The following ARHGEF26 variants were observed in gnomAD, a reference collection of about 807,000 sequenced individuals.
ARHGEF26 encodes Rho guanine nucleotide exchange factor 26.
ARHGEF26 carries 59 observed loss-of-function variants against 89.4 expected under a neutral mutation model. The observed-to-expected ratio is 0.66, with a 90% CI of 0.54 to 0.82. The LOEUF (loss-of-function observed/expected upper bound fraction) is 0.82. Ranked by LOEUF, ARHGEF26 falls within the 40% of genes least tolerant of loss-of-function variation. The pLI is 0.00. For synonymous variants in ARHGEF26, 500 were observed against 428.4 expected (o/e 1.17, Z -2.06); for missense variants, 1,234 against 1,085.6 (o/e 1.14, Z -1.92).
intron 4 of ARHGEF26, among the ~76,000 whole-genome samples, chr3:154,139,193 C>T (rs1255313077): frequency 6.6e-6 from 1 of 152,028 alleles, no homozygotes; most frequent in East Asian, 1.9e-4. Context: ...GGGATAAGGC[C>T]AGTGCAGCTG....
intron 4 of ARHGEF26, among the ~76,000 whole-genome samples, chr3:154,140,969 A>T (rs1253801863): frequency 5.6e-4 from 82 of 145,980 alleles, no homozygotes; most frequent in African/African-American, 1.9e-3. Flanking sequence ...CTTCCATCCT[A>T]TTTTTTTTTT....
chr3:154,200,139 C>G (rs1205045619), intron 9 of ARHGEF26, among the ~76,000 whole-genome samples: 2 of 152,082 alleles, frequency 1.3e-5, no homozygotes, highest in African/African-American at 4.8e-5. Context: ...TTGCCCAGAC[C>G]AATGTGCTGG....
At chr3:154,149,498 T>G in intron 5 of ARHGEF26, 53 bp downstream of exon 5, 6 of 1,489,220 alleles carry the variant, frequency 4.0e-6, no homozygotes, top group Non-Finnish European at 5.5e-6. Flanking sequence ...CATGTCGGTG[T>G]CTGCTTTTTT....
chr3:154,166,309 C>T (rs1712033407), intron 6 of ARHGEF26, among the ~76,000 whole-genome samples: 1 of 152,144 alleles, frequency 6.6e-6, no homozygotes, highest in African/African-American at 2.4e-5. Flanking sequence ...CTTGGCCTCC[C>T]AAAATGCTGG....
chr3:154,174,216 A>G (rs973985756), intron 6 of ARHGEF26, among the ~76,000 whole-genome samples: 7 of 152,214 alleles, frequency 4.6e-5, no homozygotes, highest in Non-Finnish European at 7.3e-5. Context: ...CATTCCAGCC[A>G]TGGTGGAATG....
intron 9 of ARHGEF26, among the ~76,000 whole-genome samples, chr3:154,202,596 A>G (rs1714718830): frequency 6.6e-6 from 1 of 152,090 alleles, no homozygotes; most frequent in South Asian, 2.1e-4. Context: ...CTTGGGCAGT[A>G]TGGCCATTTT....
intron 5 of ARHGEF26, 102 bp downstream of exon 5, chr3:154,149,547 C>T (rs558965156): frequency 5.3e-6 from 5 of 945,732 alleles, no homozygotes; most frequent in South Asian, 5.2e-5. Flanking sequence ...TAGTGTTGCC[C>T]TTTGAAAATG....
intron 12 of ARHGEF26, among the ~76,000 whole-genome samples, chr3:154,245,994 A>G (rs867169960): frequency 1.3e-5 from 2 of 152,194 alleles, no homozygotes; most frequent in Admixed American, 6.5e-5. Flanking sequence ...ATGGTCTGCA[A>G]TGAGCTAGGA....
chr3:154,127,286 C>T (rs1718388964), intron 3 of ARHGEF26, among the ~76,000 whole-genome samples: 1 of 152,170 alleles, frequency 6.6e-6, no homozygotes, highest in African/African-American at 2.4e-5. Context: ...GGTTTTAATA[C>T]AGCTTAAAAC....
At chr3:154,168,986 G>GA (rs145410066) in intron 6 of ARHGEF26, among the ~76,000 whole-genome samples, 4,205 of 146,594 alleles carry the variant, frequency 0.029, 187 homozygotes, top group African/African-American at 0.097. Flanking sequence ...AGACTGTAGT[G>GA]AAAAAAAAAA....
At chr3:154,239,293 AGAGAGAGT>A (rs1301397045) in intron 11 of ARHGEF26, among the ~76,000 whole-genome samples, 21 of 59,034 alleles carry the variant, frequency 3.6e-4, no homozygotes, top group African/African-American at 7.4e-4. Flanking sequence ...AGAGAGAGAG[AGAGAGAGT>A]GTGTGTGTGT....
intron 7 of ARHGEF26, among the ~76,000 whole-genome samples, chr3:154,189,872 A>G (rs183385255): frequency 7.3e-5 from 11 of 151,700 alleles, no homozygotes; most frequent in Non-Finnish European, 1.3e-4. Flanking sequence ...TGTCAAAGCT[A>G]TCAGTAAAAG....
At chr3:154,205,802 T>C (rs1714983134) in intron 9 of ARHGEF26, among the ~76,000 whole-genome samples, 2 of 152,156 alleles carry the variant, frequency 1.3e-5, no homozygotes. Flanking sequence ...CCACTTTTAA[T>C]CATTTTGTTG....
Position 154,121,828 on chromosome 3 carries a change from G to T in ARHGEF26, c.-51-114G>T. 7 of 929,152 alleles carry T rather than the reference G, an allele frequency of 7.5e-6. No individual in the cohort carries two copies. The South Asian group carries it at 1.4e-4, about 19-fold the overall frequency. The allele number at this position is 929,152 out of a possible 1,614,324, so 57.6% of individuals were successfully genotyped here. ...TGCCCGAGAAAGGGCGGGTAAGTGC[G>T]GTGCAGTCGTGTCCTGCGCAGCAGC... On this transcript the variant is annotated intron_variant, in intron 1 of 14. Transcript: ENST00000465093.
At chr3:154,140,680 A>T (rs1319262673) in intron 4 of ARHGEF26, among the ~76,000 whole-genome samples, 3 of 146,978 alleles carry the variant, frequency 2.0e-5, no homozygotes, top group Non-Finnish European at 3.0e-5. Flanking sequence ...CGCCTCCCAT[A>T]AGCGATTCTT....
At chr3:154,144,820 T>C (rs1719603855) in intron 4 of ARHGEF26, among the ~76,000 whole-genome samples, 2 of 152,216 alleles carry the variant, frequency 1.3e-5, no homozygotes, top group African/African-American at 2.4e-5. Context: ...AGCTTAACAA[T>C]AGGACATCAG....
intron 4 of ARHGEF26, among the ~76,000 whole-genome samples, chr3:154,144,704 T>A (rs1397927058): frequency 6.6e-6 from 1 of 152,228 alleles, no homozygotes; most frequent in Non-Finnish European, 1.5e-5. Context: ...CCTGGTCTGC[T>A]TTATCTGAGT....
In ARHGEF26 at chr3:154,183,977, CTTTT is replaced by C. The variant is rs548153454; in HGVS notation, c.1488-3698_1488-3695del. On this transcript the variant is annotated intron_variant, in intron 6 of 14. Transcript: ENST00000465093. ...GTTTCTTCTTTTTTCAATTTTCTTTCTTTTTTTTTTTTTGAGACGGAGTCTCGCT... is the reference window on the plus strand; with the variant it reads ...GTTTCTTCTTTTTTCAATTTTCTTTCTTTTTTTTTGAGACGGAGTCTCGCT... 7.6e-4 allele frequency among the ~76,000 whole-genome samples: 107 copies of C among 140,322 alleles called. 1 individual carries two copies. Among genetic ancestry groups the C allele is most frequent in the African/African-American group, 2.7e-3 (105 of 38,560 alleles). The allele number at this position is 140,322 out of a possible 152,430, so 92.1% of individuals were successfully genotyped here. A position where few individuals can be genotyped will look rare whatever the true frequency, so the allele number is the denominator to read the frequency against.
Position 154,142,453 on chromosome 3 carries a change from C to T in ARHGEF26, c.1270-6936C>T, listed in dbSNP as rs1256154260. Among the ~76,000 whole-genome samples the T allele has an allele frequency of 2.6e-5, 4 of 152,108 alleles. No individual in the cohort carries two copies. The South Asian group carries it at 8.3e-4, about 32-fold the overall frequency. Reference sequence around the variant, plus strand: ...CAGATCTCCGTACAATAAGGTAATTCCTGTCCAAAGAAACCACTGCCTGCT... The same window carrying T: ...CAGATCTCCGTACAATAAGGTAATTTCTGTCCAAAGAAACCACTGCCTGCT... On this transcript the variant is annotated intron_variant, in intron 4 of 14. Transcript: ENST00000465093.
Sources: gnomAD v4.1 joint callset for allele counts (sites outside exome capture counted in the v4.1 genomes callset) on GRCh38, gnomAD v4.1.1 for gene constraint, MANE v1.5 for transcripts, NCBI Gene and HGNC (gene_info 2026-07-23, HGNC 2026-07-21) for gene names.